The following AKAP6 variants were observed in gnomAD, a reference collection of about 807,000 sequenced individuals.
AKAP6 encodes the protein A-kinase anchoring protein 6, also known as A-kinase anchor protein 6.
A neutral mutation model predicts 188.5 loss-of-function variants in AKAP6; 58 were observed. The ratio of observed to expected loss-of-function variants is 0.31; its 90% CI spans 0.25 to 0.38. AKAP6 has a LOEUF of 0.38. Among genes scored for constraint, AKAP6 ranks in the 10% least tolerant of loss-of-function variants. The probability of loss-of-function intolerance (pLI) is 1.00; values close to 1 mark genes in which losing one functional copy is unlikely to be tolerated. For synonymous variants in AKAP6, 989 were observed against 998.6 expected (o/e 0.99, Z 0.18); for missense variants, 2,710 against 2,740.0 (o/e 0.99, Z 0.24).
intron 2 of AKAP6, among the ~76,000 whole-genome samples, chr14:32,507,411 C>T (rs1006732950): frequency 6.6e-6 from 1 of 152,114 alleles, no homozygotes; most frequent in Non-Finnish European, 1.5e-5. Flanking sequence ...GAAACACAGG[C>T]CTCAAATTAA....
chr14:32,433,362 TG>T (rs1198263768), intron 1 of AKAP6, 97 bp from the exon 2 acceptor site: 2 of 838,012 alleles, frequency 2.4e-6, no homozygotes, highest in Admixed American at 5.8e-5. Context: ...TTTAGAAATC[TG>T]GCTTAATTTA....
chr14:32,482,149 C>T lies in AKAP6; in HGVS notation c.324+48332C>T, dbSNP rs771566584. On this transcript the variant is annotated intron_variant, in intron 2 of 13. Transcript: ENST00000280979. ...ATAACTCCTTAATAAACTTCCTGCA[C>T]GCTAATCTCCATATTTGAATCTCCT... Among the ~76,000 whole-genome samples, 114 of 152,254 alleles carry T rather than the reference C, an allele frequency of 7.5e-4. 1 individual carries two copies. Among genetic ancestry groups the T allele is most frequent in the Middle Eastern group, 3.4e-3 (1 of 294 alleles).
intron 9 of AKAP6, among the ~76,000 whole-genome samples, chr14:32,723,618 G>A (rs1428037962): frequency 6.7e-6 from 1 of 148,254 alleles, no homozygotes; most frequent in East Asian, 2.0e-4. Context: ...TATATGTCTT[G>A]CCATACTGAA....
chr14:32,618,771 T>C (rs1334290999), intron 7 of AKAP6, among the ~76,000 whole-genome samples: 1 of 152,202 alleles, frequency 6.6e-6, no homozygotes, highest in Non-Finnish European at 1.5e-5. Context: ...GAAATCTCCA[T>C]GCTGTTTTCC....
intron 9 of AKAP6, among the ~76,000 whole-genome samples, chr14:32,730,487 T>G (rs1296832616): frequency 1.3e-5 from 2 of 152,188 alleles, no homozygotes; most frequent in African/African-American, 4.8e-5. Flanking sequence ...ACTATCATTT[T>G]TATGGGACAC....
chr14:32,643,315 CTT>C (rs961032558), intron 7 of AKAP6, among the ~76,000 whole-genome samples: 1 of 145,856 alleles, frequency 6.9e-6, no homozygotes, highest in African/African-American at 2.5e-5. Context: ...CTTTTCTTTT[CTT>C]TTTTTTTTTA....
intron 2 of AKAP6, among the ~76,000 whole-genome samples, chr14:32,502,669 AAT>A (rs1311058466): frequency 2.0e-5 from 3 of 152,010 alleles, no homozygotes; most frequent in African/African-American, 7.2e-5. Flanking sequence ...AGCAAATGTG[AAT>A]ATATATTCTT....
chr14:32,726,241 A>G (rs2030867176), intron 9 of AKAP6: 1 of 971,130 alleles, frequency 1.0e-6, no homozygotes, highest in Non-Finnish European at 1.2e-6. Context: ...GAGGGGAAAA[A>G]ATAATATTTG....
rs1220263395 is a variant in AKAP6 at position 32,833,165 on chromosome 14, T to C, written c.*3360T>C. ...TTTCCAAGTAGGGCACTCCCTCCGCTTATTTATTCATTTATTCAGCCATTC... is the reference window on the plus strand; with the variant it reads ...TTTCCAAGTAGGGCACTCCCTCCGCCTATTTATTCATTTATTCAGCCATTC... On this transcript the variant is annotated 3_prime_UTR_variant, in exon 14 of 14. Transcript: ENST00000280979. 6.6e-6 allele frequency: 1 copy of C among 152,190 alleles called. No homozygotes were observed. The highest frequency in any genetic ancestry group is 2.4e-5 in the African/African-American group (1 of 41,452). 9.4% of individuals were successfully genotyped at this position (152,190 alleles called of 1,614,324 possible).
intron 9 of AKAP6, among the ~76,000 whole-genome samples, chr14:32,707,281 A>G (rs973035252): frequency 1.8e-4 from 28 of 152,156 alleles, no homozygotes; most frequent in African/African-American, 6.5e-4. Flanking sequence ...TCATGCATAT[A>G]TAAATAACTG....
intron 11 of AKAP6, among the ~76,000 whole-genome samples, chr14:32,754,464 A>AC (rs1291878653): frequency 1.3e-5 from 2 of 152,164 alleles, no homozygotes; most frequent in East Asian, 3.8e-4. Context: ...TGTATTCATT[A>AC]CCAAACTATT....
At chr14:32,806,140 C>A (rs551863442) in intron 12 of AKAP6, among the ~76,000 whole-genome samples, 1 of 152,134 alleles carries the variant, frequency 6.6e-6, no homozygotes, top group African/African-American at 2.4e-5. Context: ...GAGTGCCTGC[C>A]ATATGCTCAG....
intron 1 of AKAP6, among the ~76,000 whole-genome samples, chr14:32,423,349 T>G (rs111614790): frequency 0.015 from 2,336 of 151,814 alleles, 58 homozygotes; most frequent in African/African-American, 0.053. Flanking sequence ...TTTTGTATTT[T>G]TGTGTGTGTG....
chr14:32,684,839 T>C (rs1358148519), intron 8 of AKAP6, among the ~76,000 whole-genome samples: 1 of 152,138 alleles, frequency 6.6e-6, no homozygotes, highest in African/African-American at 2.4e-5. Context: ...GAAATATTTA[T>C]TTTCCAACTA....
chr14:32,677,526 G>A (rs1057265906), intron 7 of AKAP6, among the ~76,000 whole-genome samples: 1 of 152,192 alleles, frequency 6.6e-6, no homozygotes, highest in African/African-American at 2.4e-5. Context: ...CTATGGCCAA[G>A]CATGTCCCTG....
intron 4 of AKAP6, among the ~76,000 whole-genome samples, chr14:32,566,508 A>C (rs1884192958): frequency 6.6e-6 from 1 of 152,198 alleles, no homozygotes. Flanking sequence ...TGTTGCTCTG[A>C]ACCCTTTAAG....
chr14:32,430,505 A>G (rs1379889403), intron 1 of AKAP6, among the ~76,000 whole-genome samples: 1 of 152,204 alleles, frequency 6.6e-6, no homozygotes, highest in African/African-American at 2.4e-5. Flanking sequence ...AAACACGGTG[A>G]CTAAGCACTG....
rs773613382 is a variant in AKAP6, at chr14:32,545,583, C to T, written c.930C>T (p.Asp310=). The change falls in exon 4 of 14, where the codon GAC becomes GAT. Residue 310 remains aspartate (D), a synonymous_variant. Coordinates refer to ENST00000280979, the MANE Select transcript of AKAP6 (RefSeq NM_004274.5). ...SVDDKGGCEE[D]NASAVEEQPG... ...ACGACAAAGGTGGATGTGAGGAAGA[C>T]AATGCTTCTGCAGTCGAAGAGCAAC... 60 of 1,614,054 alleles carry T rather than the reference C, an allele frequency of 3.7e-5. No homozygotes were observed. Among genetic ancestry groups the T allele is most frequent in the Non-Finnish European group, 4.8e-5 (57 of 1,180,026 alleles).
intron 2 of AKAP6, among the ~76,000 whole-genome samples, chr14:32,448,400 T>C (rs1383316214): frequency 6.6e-6 from 1 of 152,226 alleles, no homozygotes; most frequent in Non-Finnish European, 1.5e-5. Context: ...TTTACTCTTC[T>C]AGTAATAATT....
Sources: allele counts gnomAD v4.1 joint callset (sites outside exome capture counted in the v4.1 genomes callset), GRCh38; gene constraint gnomAD v4.1.1; transcripts MANE v1.5; gene names NCBI Gene and HGNC (gene_info 2026-07-23, HGNC 2026-07-21).